Variants in FMNL3 observed in about 807,000 individuals in gnomAD.
FMNL3 encodes formin-like protein 3.
FMNL3 carries 57 observed loss-of-function variants against 119.6 expected under a neutral mutation model. The ratio of observed to expected loss-of-function variants is 0.48; its 90% CI spans 0.39 to 0.59. The LOEUF (loss-of-function observed/expected upper bound fraction) is 0.59, where lower values mean the gene tolerates loss of function less well. Ranked by LOEUF, FMNL3 falls within the 20% of genes least tolerant of loss-of-function variation. FMNL3 has a pLI of 0.00. For missense variants in FMNL3, 1,053 were observed against 1,323.5 expected, an observed-to-expected ratio of 0.80 and a Z score of 3.17; for synonymous variants, 491 against 507.3, an observed-to-expected ratio of 0.97 and a Z score of 0.43.
Position 49,644,008 on chromosome 12 carries a change from A to AGG in FMNL3, c.*1805_*1806dup. The AGG allele has an allele frequency of 6.2e-7, 1 of 1,614,164 alleles. No homozygotes were observed. The highest frequency in any genetic ancestry group is 8.5e-7 in the Non-Finnish European group (1 of 1,180,020). ...CTTTGGAATCAAGAAGGAGAAGGTG[A>AGG]GGGGCAGGGGCCCTAGGCCAGTCAG... is the stretch of plus-strand genomic sequence containing the variant. On this transcript the variant is annotated 3_prime_UTR_variant, in exon 26 of 26. Coordinates refer to ENST00000335154, the MANE Select transcript of FMNL3 (RefSeq NM_175736.5).
rs1275644160 is a variant in FMNL3 at position 49,637,201 on chromosome 12, G to T, written c.*8614C>A. On this transcript the variant is annotated 3_prime_UTR_variant, in exon 26 of 26. Transcript: ENST00000335154. Reference sequence around the variant, plus strand: ...TGGCAGTGGTGGTGGTAGTGCTAGGGGTTACTGCAGGCAGGTTTCTGTTTC... The same window carrying T: ...TGGCAGTGGTGGTGGTAGTGCTAGGTGTTACTGCAGGCAGGTTTCTGTTTC... 1.7e-6 allele frequency: 1 copy of T among 574,884 alleles called. No homozygotes were observed. The highest frequency in any genetic ancestry group is 3.1e-6 in the Non-Finnish European group (1 of 322,980). The allele number at this position is 574,884 out of a possible 1,614,324, so 35.6% of individuals were successfully genotyped here. A position where few individuals can be genotyped will look rare whatever the true frequency, so the allele number is the denominator to read the frequency against.
intron 10 of FMNL3, 96 bp from the exon 11 acceptor site, chr12:49,654,398 G>A: frequency 1.1e-6 from 1 of 916,090 alleles, no homozygotes; most frequent in South Asian, 1.4e-5. Context: ...TCATCATCAT[G>A]TGGATAATTA....
chr12:49,637,438 A>T lies in FMNL3; in HGVS notation c.*8377T>A, dbSNP rs1237081062. On this transcript the variant is annotated 3_prime_UTR_variant, in exon 26 of 26. Coordinates refer to ENST00000335154, the MANE Select transcript of FMNL3 (RefSeq NM_175736.5). ...GTCTGTGGCTCTGCCTCCCTGTCTC[A>T]CTCTCCCTATAACTGGCCTCTCCCT... 5 of 1,500,162 alleles carry T rather than the reference A, an allele frequency of 3.3e-6. No individual in the cohort carries two copies. In the East Asian group the frequency reaches 1.1e-4, roughly 34 times the overall value. The allele number at this position is 1,500,162 out of a possible 1,614,324, so 92.9% of individuals were successfully genotyped here. A position where few individuals can be genotyped will look rare whatever the true frequency, so the allele number is the denominator to read the frequency against.
At chr12:49,676,383 T>G (rs533967400) in intron 1 of FMNL3, among the ~76,000 whole-genome samples, 3 of 152,292 alleles carry the variant, frequency 2.0e-5, no homozygotes, top group African/African-American at 7.2e-5. Flanking sequence ...ATATAGACAG[T>G]GGACGAACCT....
At chr12:49,688,452 A>G (rs778145975) in intron 1 of FMNL3, 10 of 455,902 alleles carry the variant, frequency 2.2e-5, no homozygotes, top group Non-Finnish European at 3.5e-5. Context: ...CACCTTTCCT[A>G]TACCTTCTCG....
At chr12:49,648,395 C>T in intron 21 of FMNL3, 42 bp from the exon 22 acceptor site, 1 of 1,581,590 alleles carries the variant, frequency 6.3e-7, no homozygotes, top group East Asian at 2.3e-5. Flanking sequence ...TAGGGCCTGG[C>T]ATGCTCACCT....
intron 1 of FMNL3, among the ~76,000 whole-genome samples, chr12:49,701,581 TA>T (rs1944910780): frequency 6.6e-6 from 1 of 152,126 alleles, no homozygotes; most frequent in African/African-American, 2.4e-5. Context: ...GGTGTATGGG[TA>T]AGCAAACAAA....
In FMNL3 at chr12:49,651,484, C is replaced by T. The variant is rs751729378; in HGVS notation, c.1604-34G>A. ...AGAAGAAATGACACAGTGACCCAGGCGTCAAGAGACTCTTCATAGGCTTCC... is the reference window on the plus strand; with the variant it reads ...AGAAGAAATGACACAGTGACCCAGGTGTCAAGAGACTCTTCATAGGCTTCC... On this transcript the variant is annotated intron_variant, in intron 14 of 25. Coordinates refer to ENST00000335154, the MANE Select transcript of FMNL3 (RefSeq NM_175736.5). The T allele has an allele frequency of 1.8e-5, 26 of 1,432,198 alleles. No individual in the cohort carries two copies. The South Asian group carries it at 2.6e-4, about 14-fold the overall frequency. 88.7% of individuals were successfully genotyped at this position (1,432,198 alleles called of 1,614,324 possible). A position where few individuals can be genotyped will look rare whatever the true frequency, so the allele number is the denominator to read the frequency against.
intron 4 of FMNL3, 48 bp downstream of exon 4, chr12:49,665,784 C>A (rs1943874375): frequency 3.2e-6 from 5 of 1,582,192 alleles, no homozygotes; most frequent in Admixed American, 1.7e-5. Context: ...TGTGCCCAGC[C>A]AGCAGCCTGG....
Position 49,651,276 on chromosome 12 carries a change from T to C in FMNL3, c.1689A>G (p.Lys563=). ...TVGLSAIRIK[K]PIKTKFRLPV... ...GCAGCCGGAACTTGGTCTTGATAGG[T>C]TTCTTAATTCGAATGGCTAATTTGG... The change falls in exon 16 of 26, where the codon AAA becomes AAG. Residue 563 remains lysine (K), a synonymous_variant. Transcript: ENST00000335154. 1 of 1,612,264 alleles carries C rather than the reference T, an allele frequency of 6.2e-7. No individual in the cohort carries two copies. Among genetic ancestry groups the C allele is most frequent in the South Asian group, 1.1e-5 (1 of 91,042 alleles).
intron 1 of FMNL3, among the ~76,000 whole-genome samples, chr12:49,692,034 CAAAAAAAAAAA>C (rs773991970): frequency 4.3e-5 from 1 of 23,120 alleles, no homozygotes; most frequent in Non-Finnish European, 1.0e-4. Context: ...GACTCCATCT[CAAAAAAAAAAA>C]AAAAAAAAAA....
chr12:49,646,090 A>G (rs1157937199), intron 25 of FMNL3, among the ~76,000 whole-genome samples, 187 bp from the exon 26 acceptor site: 1 of 152,104 alleles, frequency 6.6e-6, no homozygotes, highest in African/African-American at 2.4e-5. Context: ...TGGGCTTTGC[A>G]TTTCAGAGGA....
At chr12:49,685,090 G>C (rs571988942) in intron 1 of FMNL3, among the ~76,000 whole-genome samples, 8 of 152,298 alleles carry the variant, frequency 5.3e-5, no homozygotes, top group African/African-American at 1.9e-4. Context: ...CCATATAACA[G>C]CAACTCTACC....
chr12:49,703,560 G>A (rs1234125309), intron 1 of FMNL3, among the ~76,000 whole-genome samples: 2 of 151,996 alleles, frequency 1.3e-5, no homozygotes, highest in African/African-American at 2.4e-5. Context: ...AGTACATGGG[G>A]TAGAAGCTGA....
At chr12:49,681,634 T>A (rs1298396026) in intron 1 of FMNL3, among the ~76,000 whole-genome samples, 1 of 152,168 alleles carries the variant, frequency 6.6e-6, no homozygotes, top group East Asian at 1.9e-4. Flanking sequence ...CATAGCTCCC[T>A]GCAGCCCCAA....
intron 1 of FMNL3, among the ~76,000 whole-genome samples, chr12:49,680,430 C>A (rs183479890): frequency 6.6e-6 from 1 of 152,322 alleles, no homozygotes; most frequent in Non-Finnish European, 1.5e-5. Context: ...ACATCCTCAG[C>A]GCCTCAGTGC....
rs756417864 is a variant in FMNL3, at chr12:49,637,792, G to A, written c.*8023C>T. The A allele has an allele frequency of 1.2e-6, 2 of 1,611,698 alleles. No individual in the cohort carries two copies. The highest frequency in any genetic ancestry group is 1.7e-5 in the Admixed American group (1 of 59,968). On this transcript the variant is annotated 3_prime_UTR_variant, in exon 26 of 26. Coordinates refer to ENST00000335154, the MANE Select transcript of FMNL3 (RefSeq NM_175736.5). ...GGAGGAGTTGAAGGCACGATTCCATGATGAAAAGAAGATCATTAAGGACAT... is the reference window on the plus strand; with the variant it reads ...GGAGGAGTTGAAGGCACGATTCCATAATGAAAAGAAGATCATTAAGGACAT...
At position 49,642,782 on chromosome 12, in the gene FMNL3, A is replaced by T. The variant is rs1942848763; in HGVS notation, c.*3033T>A. On this transcript the variant is annotated 3_prime_UTR_variant, in exon 26 of 26. Coordinates refer to ENST00000335154, the MANE Select transcript of FMNL3 (RefSeq NM_175736.5). This position sits in a 1 kb window ranked among gnomAD's most constrained non-coding sequence, Gnocchi z 5.8. ...TCTTACCCTTAGGGCACTCCTGGCCAGCTAAGGAAGGGGAGGCCTGAGGAT... is the reference window on the plus strand; with the variant it reads ...TCTTACCCTTAGGGCACTCCTGGCCTGCTAAGGAAGGGGAGGCCTGAGGAT... 7.0e-7 allele frequency: 1 copy of T among 1,437,364 alleles called. No individual in the cohort carries two copies. The allele number at this position is 1,437,364 out of a possible 1,614,324, so 89.0% of individuals were successfully genotyped here. A position where few individuals can be genotyped will look rare whatever the true frequency, so the allele number is the denominator to read the frequency against.
At chr12:49,656,331 G>A (rs1221656468) in intron 9 of FMNL3, 73 bp downstream of exon 9, 5 of 1,200,030 alleles carry the variant, frequency 4.2e-6, no homozygotes, top group Middle Eastern at 2.7e-4. Flanking sequence ...ACAGGAAATG[G>A]TGCTTACCAA....
Sources: gnomAD v4.1 joint callset for allele counts (sites outside exome capture counted in the v4.1 genomes callset) on GRCh38, gnomAD v4.1.1 for gene constraint, Gnocchi (gnomAD v3.1) non-coding constraint, MANE v1.5 for transcripts, NCBI Gene and HGNC (gene_info 2026-07-23, HGNC 2026-07-21) for gene names.